FNDC3A: variants seen among roughly 807,000 people sequenced by gnomAD.
The protein encoded by FNDC3A is fibronectin type III domain containing 3A, also known as fibronectin type-III domain-containing protein 3A.
A neutral mutation model predicts 148.9 loss-of-function variants in FNDC3A; 32 were observed. That is an observed-to-expected ratio of 0.21 (90% confidence interval 0.16 to 0.29). FNDC3A has a LOEUF of 0.29. FNDC3A is among the 10% of genes least tolerant of loss of function. The probability of loss-of-function intolerance (pLI) is 1.00; values close to 1 mark genes in which losing one functional copy is unlikely to be tolerated. For synonymous variants in FNDC3A, 472 were observed against 473.6 expected (o/e 1.00, Z 0.04); for missense variants, 1,191 against 1,452.8 (o/e 0.82, Z 2.93).
At chr13:49,113,791 G>A (rs988845592) in intron 3 of FNDC3A, among the ~76,000 whole-genome samples, 1 of 152,048 alleles carries the variant, frequency 6.6e-6, no homozygotes. Flanking sequence ...ACTGAAGGGG[G>A]GTAAGAGACT....
chr13:49,201,788 T>C lies in FNDC3A; in HGVS notation c.2988-12T>C. The stretch of plus-strand genomic sequence containing the variant: ...TAGTATAAGGTTTATCTAATAGTTA[T>C]TTCCATTTTAGGTTTGTATCCCTAT... On this transcript the variant is annotated splice_polypyrimidine_tract_variant and intron_variant, in intron 23 of 25. Transcript: ENST00000492622. 2 of 1,388,358 alleles carry C rather than the reference T, an allele frequency of 1.4e-6. No individual in the cohort carries two copies. The highest frequency in any genetic ancestry group is 1.5e-5 in the South Asian group (1 of 65,092). 86.0% of individuals were successfully genotyped at this position (1,388,358 alleles called of 1,614,324 possible). A position where few individuals can be genotyped will look rare whatever the true frequency, so the allele number is the denominator to read the frequency against.
intron 23 of FNDC3A, 46 bp downstream of exon 23, chr13:49,198,620 G>GTATA: frequency 7.0e-7 from 1 of 1,429,588 alleles, no homozygotes; most frequent in South Asian, 1.2e-5. Context: ...TAGGTCTTAA[G>GTATA]TATATACATT....
chr13:49,044,727 A>C (rs1415526010), intron 2 of FNDC3A: 4 of 358,718 alleles, frequency 1.1e-5, no homozygotes, highest in Non-Finnish European at 2.2e-5. Context: ...GGTTAACAGA[A>C]CAAGATATAG....
At chr13:49,028,475 A>G (rs529042962) in intron 2 of FNDC3A, among the ~76,000 whole-genome samples, 108 of 152,130 alleles carry the variant, frequency 7.1e-4, no homozygotes, top group African/African-American at 2.3e-3. Flanking sequence ...CCTGACTTCA[A>G]GTGATCCTCC....
chr13:49,027,026 T>C (rs1301651871), intron 2 of FNDC3A, among the ~76,000 whole-genome samples: 2 of 152,026 alleles, frequency 1.3e-5, no homozygotes, highest in Non-Finnish European at 2.9e-5. Flanking sequence ...AGTTTTTTTT[T>C]TAGAGAAAGA....
chr13:49,110,984 C>A (rs1880529308), intron 3 of FNDC3A, among the ~76,000 whole-genome samples: 1 of 152,086 alleles, frequency 6.6e-6, no homozygotes, highest in African/African-American at 2.4e-5. Context: ...CTTAATAGCT[C>A]CATGATTGGG....
chr13:49,119,807 A>G (rs1460954767), intron 4 of FNDC3A, among the ~76,000 whole-genome samples: 2 of 152,104 alleles, frequency 1.3e-5, no homozygotes, highest in Non-Finnish European at 2.9e-5. Flanking sequence ...ATGAAAATGA[A>G]CGAACAAAGC....
At chr13:49,161,153 G>A (rs1884084376) in intron 8 of FNDC3A, among the ~76,000 whole-genome samples, 1 of 152,200 alleles carries the variant, frequency 6.6e-6, no homozygotes, top group Admixed American at 6.5e-5. Flanking sequence ...GTGCAGACTT[G>A]AGTTCAAGTC....
intron 3 of FNDC3A, among the ~76,000 whole-genome samples, chr13:49,078,066 T>C (rs2137787713): frequency 6.6e-6 from 1 of 152,360 alleles, no homozygotes; most frequent in Non-Finnish European, 1.5e-5. Context: ...ATACTGTTTA[T>C]GGTGGGTACA....
In FNDC3A at chr13:48,987,175, T is replaced by C. The variant is rs544873097; in HGVS notation, c.-40+10998T>C. Among the ~76,000 whole-genome samples the C allele has an allele frequency of 2.6e-5, 4 of 152,338 alleles. No homozygotes were observed. In the East Asian group the frequency reaches 7.7e-4, roughly 29 times the overall value. On this transcript the variant is annotated intron_variant, in intron 1 of 25. Transcript: ENST00000492622. The stretch of plus-strand genomic sequence containing the variant: ...AAAATATTTGGAAGTGAAAATAGGA[T>C]TGTCCCAGGTGTAGTTGCCTTTTGG...
At chr13:49,054,545 A>G (rs1276863144) in intron 2 of FNDC3A, among the ~76,000 whole-genome samples, 1 of 152,220 alleles carries the variant, frequency 6.6e-6, no homozygotes, top group Non-Finnish European at 1.5e-5. Flanking sequence ...CCTTGGGCAC[A>G]TGTTCTCATA....
intron 4 of FNDC3A, among the ~76,000 whole-genome samples, chr13:49,121,282 G>A (rs1262301212): frequency 6.6e-6 from 1 of 152,148 alleles, no homozygotes; most frequent in Non-Finnish European, 1.5e-5. Flanking sequence ...AAATAAAGAT[G>A]TTCTTTGAAA....
At chr13:49,021,477 T>C (rs759111036) in intron 2 of FNDC3A, among the ~76,000 whole-genome samples, 3 of 152,178 alleles carry the variant, frequency 2.0e-5, no homozygotes, top group Admixed American at 1.3e-4. Flanking sequence ...GATGAGACTT[T>C]TACGGTATTC....
chr13:49,099,561 T>C (rs114322002), intron 3 of FNDC3A, among the ~76,000 whole-genome samples: 22 of 152,204 alleles, frequency 1.4e-4, no homozygotes, highest in African/African-American at 5.1e-4. Flanking sequence ...ACTGAATATA[T>C]AAAAAATAGC....
intron 14 of FNDC3A, 120 bp downstream of exon 14, chr13:49,178,774 A>C: frequency 1.7e-6 from 1 of 580,360 alleles, no homozygotes; most frequent in Non-Finnish European, 2.9e-6. Flanking sequence ...TTACTCTGTC[A>C]CCCAAGCTGC....
intron 8 of FNDC3A, among the ~76,000 whole-genome samples, chr13:49,150,646 G>C (rs773348329): frequency 2.8e-4 from 42 of 151,920 alleles, no homozygotes; most frequent in Non-Finnish European, 5.4e-4. Context: ...TATAATTTCA[G>C]TGTTTTAAAA....
chr13:49,151,366 T>G lies in FNDC3A; in HGVS notation c.977+5431T>G, dbSNP rs543552295. Among the ~76,000 whole-genome samples, 4 of 152,310 alleles carry G rather than the reference T, an allele frequency of 2.6e-5. No homozygotes were observed. The South Asian group carries it at 8.3e-4, about 32-fold the overall frequency. ...TTGTCTCTTTTTACTGTTTTTGACA[T>G]AAAGTCTGTTTTATCTGAGTGTAGC... On this transcript the variant is annotated intron_variant, in intron 8 of 25. Coordinates refer to ENST00000492622, the MANE Select transcript of FNDC3A (RefSeq NM_001079673.2).
intron 2 of FNDC3A, among the ~76,000 whole-genome samples, chr13:49,063,384 C>T (rs1877033177): frequency 6.6e-6 from 1 of 151,744 alleles, no homozygotes; most frequent in Admixed American, 6.6e-5. Context: ...ATATAAAGTC[C>T]TTTATAGTGC....
At chr13:49,168,996 A>AT (rs1884624791) in intron 10 of FNDC3A, among the ~76,000 whole-genome samples, 1 of 152,234 alleles carries the variant, frequency 6.6e-6, no homozygotes, top group Admixed American at 6.5e-5. Context: ...ATGTGATGAC[A>AT]TTGAGATTCA....
Sources: allele counts gnomAD v4.1 joint callset (sites outside exome capture counted in the v4.1 genomes callset), GRCh38; gene constraint gnomAD v4.1.1; transcripts MANE v1.5; gene names NCBI Gene and HGNC (gene_info 2026-07-23, HGNC 2026-07-21).